APBA1: variants seen among roughly 807,000 people sequenced by gnomAD.
APBA1 encodes the protein amyloid beta precursor protein binding family A member 1, also known as amyloid-beta A4 precursor protein-binding family A member 1.
In APBA1, 55 loss-of-function variants were observed where a neutral mutation model predicts 86.6. The ratio of observed to expected loss-of-function variants is 0.64; its 90% CI spans 0.51 to 0.80. The LOEUF is 0.80. Among genes scored for constraint, APBA1 ranks in the 30% least tolerant of loss-of-function variants. APBA1 has a pLI of 0.00. For missense variants in APBA1, 1,090 were observed against 1,183.0 expected, an observed-to-expected ratio of 0.92 and a Z score of 1.15; for synonymous variants, 511 against 493.9, an observed-to-expected ratio of 1.03 and a Z score of -0.46.
chr9:69,503,549 T>C (rs980332011), intron 2 of APBA1, among the ~76,000 whole-genome samples: 2 of 152,148 alleles, frequency 1.3e-5, no homozygotes, highest in Admixed American at 6.5e-5. Flanking sequence ...CTGAAGACTA[T>C]ACTCTTCCCT....
intron 1 of APBA1, among the ~76,000 whole-genome samples, chr9:69,602,196 T>A (rs932873827): frequency 1.3e-5 from 2 of 152,210 alleles, no homozygotes; most frequent in African/African-American, 4.8e-5. Flanking sequence ...AATGTATAAT[T>A]CAGTGGTTTT....
chr9:69,455,498 C>A (rs1246295310), intron 8 of APBA1, among the ~76,000 whole-genome samples: 1 of 152,112 alleles, frequency 6.6e-6, no homozygotes, highest in African/African-American at 2.4e-5. Context: ...GGCCAAATGA[C>A]AGAATGGCTT....
chr9:69,633,718 T>C (rs1823097300), intron 1 of APBA1, among the ~76,000 whole-genome samples: 1 of 152,212 alleles, frequency 6.6e-6, no homozygotes, highest in Admixed American at 6.5e-5. Flanking sequence ...GTTTCTCTAA[T>C]ACTACTGCTC....
intron 1 of APBA1, among the ~76,000 whole-genome samples, chr9:69,609,664 A>T (rs1822544283): frequency 6.6e-6 from 1 of 152,112 alleles, no homozygotes; most frequent in South Asian, 2.1e-4. Flanking sequence ...ACTTCAGACA[A>T]ATGTGCAGCC....
chr9:69,433,246 T>G (rs1364588148), intron 11 of APBA1, among the ~76,000 whole-genome samples: 1 of 152,202 alleles, frequency 6.6e-6, no homozygotes, highest in Non-Finnish European at 1.5e-5. Context: ...GGCTGGATTT[T>G]GTGATGGCAC....
chr9:69,601,370 T>C (rs1222046724), intron 1 of APBA1, among the ~76,000 whole-genome samples: 1 of 152,244 alleles, frequency 6.6e-6, no homozygotes, highest in Non-Finnish European at 1.5e-5. Context: ...GAAAATTGCC[T>C]GAAATATAGG....
intron 5 of APBA1, among the ~76,000 whole-genome samples, chr9:69,459,362 C>A (rs1488373958): frequency 1.3e-5 from 2 of 152,206 alleles, no homozygotes; most frequent in Non-Finnish European, 2.9e-5. Flanking sequence ...GTTCTTTAAT[C>A]TCTTGTTCCA....
At chr9:69,637,684 G>A (rs200004887) in intron 1 of APBA1, among the ~76,000 whole-genome samples, 1 of 152,214 alleles carries the variant, frequency 6.6e-6, no homozygotes. Context: ...CAGAGAAGAT[G>A]TACTTGTCTT....
chr9:69,542,792 G>C (rs1836635782), intron 1 of APBA1, among the ~76,000 whole-genome samples: 1 of 152,158 alleles, frequency 6.6e-6, no homozygotes, highest in South Asian at 2.1e-4. Context: ...GTGATAAATG[G>C]TCACTGTACT....
intron 5 of APBA1, among the ~76,000 whole-genome samples, chr9:69,458,784 G>A (rs993075679): frequency 3.3e-5 from 5 of 150,470 alleles, no homozygotes; most frequent in African/African-American, 1.2e-4. Flanking sequence ...TACATTTGGG[G>A]ATTTTCTAGT....
intron 4 of APBA1, among the ~76,000 whole-genome samples, chr9:69,470,649 G>A (rs1835352223): frequency 6.6e-6 from 1 of 152,174 alleles, no homozygotes; most frequent in African/African-American, 2.4e-5. Context: ...CCCTTTCCCA[G>A]GCAGTGGAAC....
chr9:69,431,191 T>G lies in APBA1; in HGVS notation c.*136A>C. 3 of 602,446 alleles carry G rather than the reference T, an allele frequency of 5.0e-6. No homozygotes were observed. The highest frequency in any genetic ancestry group is 2.8e-5 in the South Asian group (1 of 36,176). 37.3% of individuals were successfully genotyped at this position (602,446 alleles called of 1,614,324 possible). A position where few individuals can be genotyped will look rare whatever the true frequency, so the allele number is the denominator to read the frequency against. On this transcript the variant is annotated 3_prime_UTR_variant, in exon 13 of 13. Coordinates refer to ENST00000265381, the MANE Select transcript of APBA1 (RefSeq NM_001163.4). ...ATCGGAGAGAGTAAAGAGGTCCTTG[T>G]GGATTCTTCTCTTCCTGTGTAAAAC...
intron 1 of APBA1, among the ~76,000 whole-genome samples, chr9:69,592,525 T>C (rs1822151103): frequency 6.6e-6 from 1 of 152,082 alleles, no homozygotes; most frequent in African/African-American, 2.4e-5. Context: ...GAGCCAGGAG[T>C]TCAAAGTTAA....
intron 2 of APBA1, among the ~76,000 whole-genome samples, chr9:69,491,195 G>C (rs1256873197): frequency 6.6e-6 from 1 of 151,984 alleles, no homozygotes; most frequent in Non-Finnish European, 1.5e-5. Context: ...GCAAAGACTT[G>C]GAACCAACCC....
intron 1 of APBA1, among the ~76,000 whole-genome samples, chr9:69,546,996 C>T (rs1281691409): frequency 4.6e-5 from 7 of 152,170 alleles, no homozygotes; most frequent in Non-Finnish European, 1.0e-4. Context: ...ATTATTAGGG[C>T]TAAATTTAGT....
intron 1 of APBA1, among the ~76,000 whole-genome samples, chr9:69,662,933 CA>C (rs1564106420): frequency 6.6e-6 from 1 of 152,174 alleles, no homozygotes. Context: ...AATGTCTACT[CA>C]AAAATAAAGT....
rs1836152828 is a variant in APBA1, at chr9:69,516,507, A to G, written c.704T>C (p.Leu235Pro). 2 of 1,596,336 alleles carry G rather than the reference A, an allele frequency of 1.3e-6. No homozygotes were observed. Among genetic ancestry groups the G allele is most frequent in the Non-Finnish European group, 1.7e-6 (2 of 1,176,950 alleles). ...GTCGGAGCGCTCGTCGTAATGGTGC[A>G]GCCGCGCGCCCAGGGCCTCCTGGCG... ...AYRQEALGARLHHYDERSDGE... is the reference protein window; with the variant it reads ...AYRQEALGARPHHYDERSDGE... Residue 235 changes from leucine (L) to proline (P), a missense_variant, in exon 2 of 13, where the codon CTG becomes CCG. Physicochemically the swap from Leu to Pro is moderately conservative, Grantham distance 98 (BLOSUM62 -3). Transcript: ENST00000265381. The surrounding 1 kb of genome is among the most constrained non-coding windows in gnomAD (Gnocchi z 7.3).
intron 2 of APBA1, among the ~76,000 whole-genome samples, chr9:69,504,793 C>T (rs1835929054): frequency 6.6e-6 from 1 of 151,938 alleles, no homozygotes; most frequent in African/African-American, 2.4e-5. Context: ...TTGCCATGTC[C>T]CCAGTTTCAG....
At chr9:69,496,242 C>T (rs1381369884) in intron 2 of APBA1, among the ~76,000 whole-genome samples, 2 of 151,986 alleles carry the variant, frequency 1.3e-5, no homozygotes, top group Non-Finnish European at 2.9e-5. Flanking sequence ...TGATCTGTGG[C>T]GATGGGGAAG....
Sources: gnomAD v4.1 joint callset for allele counts (sites outside exome capture counted in the v4.1 genomes callset) on GRCh38, gnomAD v4.1.1 for gene constraint, Gnocchi (gnomAD v3.1) non-coding constraint, MANE v1.5 for transcripts, NCBI Gene and HGNC (gene_info 2026-07-23, HGNC 2026-07-21) for gene names.